Variants in IL2RG observed in about 807,000 individuals in gnomAD.
IL2RG encodes interleukin 2 receptor subunit gamma, also known as cytokine receptor common subunit gamma.
For missense variants in IL2RG, 205 were observed against 272.9 expected (o/e 0.75, Z 1.75); for synonymous variants, 111 against 108.5 (o/e 1.02, Z -0.15).
At chrX:71,111,103 A>G (rs1213007608) in intron 1 of IL2RG, 53 bp from the exon 2 acceptor site, 1 of 1,094,316 alleles carries the variant, frequency 9.1e-7, no homozygotes, top group East Asian at 3.3e-5. Flanking sequence ...GATGGTCAGA[A>G]GGAGGAGGCC....
intron 7 of IL2RG, 62 bp from the exon 8 acceptor site, chrX:71,107,983 T>C: frequency 5.3e-6 from 5 of 942,381 alleles, no homozygotes; most frequent in South Asian, 2.1e-5. Context: ...GACCGAGCTC[T>C]GTGCCAAAGG....
At chrX:71,109,489 C>G (rs1180472286) in intron 4 of IL2RG, 99 bp from the exon 5 acceptor site, 1 of 804,825 alleles carries the variant, frequency 1.2e-6, no homozygotes, top group South Asian at 2.3e-5. Context: ...CTGCTACTGC[C>G]CAGTTTCTCT....
intron 3 of IL2RG, 97 bp from the exon 4 acceptor site, chrX:71,110,392 T>A: frequency 9.1e-7 from 1 of 1,100,108 alleles, no homozygotes; most frequent in Non-Finnish European, 1.3e-6. Flanking sequence ...CCCATCATGA[T>A]CCCCTACCTC....
At chrX:71,108,060 A>AAT (rs1291168331) in intron 7 of IL2RG, 139 bp from the exon 8 acceptor site, 4 of 548,636 alleles carry the variant, frequency 7.3e-6, no homozygotes, top group Non-Finnish European at 9.3e-6. Flanking sequence ...CTGGGCCCCC[A>AAT]ATACCAGTTG....
chrX:71,111,415 G>C lies in IL2RG; in HGVS notation c.115+10C>G. On this transcript the variant is annotated intron_variant, in intron 1 of 7. Coordinates refer to ENST00000374202, the MANE Select transcript of IL2RG (RefSeq NM_000206.3). Reference sequence around the variant, plus strand: ...TTCTCACCAGCCCCCTCCAGTCCCAGATTTCCCACCAGCTGTGGTGTCTTC... The same window carrying C: ...TTCTCACCAGCCCCCTCCAGTCCCACATTTCCCACCAGCTGTGGTGTCTTC... 4 of 1,211,016 alleles carry C rather than the reference G, an allele frequency of 3.3e-6. No homozygotes were observed. Among genetic ancestry groups the C allele is most frequent in the Non-Finnish European group, 4.5e-6 (4 of 895,143 alleles).
At chrX:71,110,709 G>A in intron 2 of IL2RG, 21 bp from the exon 3 acceptor site, 3 of 1,188,168 alleles carry the variant, frequency 2.5e-6, no homozygotes, top group Non-Finnish European at 3.4e-6. Context: ...AAGGTTGGAA[G>A]GAAGAGGAAC....
chrX:71,108,269 G>A lies in IL2RG; in HGVS notation c.924+8C>T, dbSNP rs776065933. On this transcript the variant is annotated splice_region_variant and intron_variant, in intron 7 of 7. Transcript: ENST00000374202. ...TAGACTGCAGCATGCTTATGACAGC[G>A]TTCTCACCGAAAAGTTCCCGTGGTA... The A allele has an allele frequency of 1.7e-6, 2 of 1,175,649 alleles. No homozygotes were observed. The highest frequency in any genetic ancestry group is 2.3e-6 in the Non-Finnish European group (2 of 862,761).
In IL2RG at chrX:71,109,246, C is replaced by T. The variant is rs745952883; in HGVS notation, c.739G>A (p.Gly247Arg). The change falls in exon 5 of 8, where the codon GGG (glycine) becomes AGG (arginine). Residue 247 changes from glycine to arginine, a missense_variant. Transcript: ENST00000374202. Reference protein sequence around the residue: ...WSEWSHPIHWGSNTSKENPFL... With the variant: ...WSEWSHPIHWRSNTSKENPFL... ...ATTTTACCTTTTGAAGTATTGCTCC[C>T]CCAGTGGATTGGGTGGCTCCATTCA... 4 of 1,211,300 alleles carry T rather than the reference C, an allele frequency of 3.3e-6. No homozygotes were observed. Among genetic ancestry groups the T allele is most frequent in the South Asian group, 1.8e-5 (1 of 56,970 alleles).
intron 4 of IL2RG, among the ~76,000 whole-genome samples, chrX:71,109,921 C>A (rs1218330761): frequency 1.2e-5 from 1 of 82,363 alleles, no homozygotes; most frequent in Non-Finnish European, 2.2e-5. Flanking sequence ...CAGAGTGAGG[C>A]TCTGTCTCAA....
In IL2RG at chrX:71,111,435, G is replaced by A; in HGVS notation, c.105C>T (p.Asp35=). ...TCCCAGATTTCCCACCAGCTGTGGT[G>A]TCTTCATTCCCATTGGGCGTCAGAA... The part of the protein sequence containing the change: ...TTILTPNGNE[D]TTADFFLTTM... The change falls in exon 1 of 8, where the codon GAC becomes GAT. Residue 35 remains aspartate, a synonymous_variant. Transcript: ENST00000374202. 8.3e-7 allele frequency: 1 copy of A among 1,211,314 alleles called. No individual in the cohort carries two copies. The highest frequency in any genetic ancestry group is 1.1e-6 in the Non-Finnish European group (1 of 895,216).
At chrX:71,111,371 C>T in intron 1 of IL2RG, 54 bp downstream of exon 1, 1 of 1,192,867 alleles carries the variant, frequency 8.4e-7, no homozygotes, top group Non-Finnish European at 1.1e-6. Context: ...CTCTGTACGG[C>T]CCCTTCCCAC....
chrX:71,108,471 C>G, intron 6 of IL2RG, 125 bp from the exon 7 acceptor site: 2 of 700,967 alleles, frequency 2.9e-6, no homozygotes, highest in Non-Finnish European at 4.5e-6. Flanking sequence ...CCTTCCATCA[C>G]CAAACCCTCT....
At chrX:71,108,817 G>T in intron 5 of IL2RG, 122 bp from the exon 6 acceptor site, 1 of 492,161 alleles carries the variant, frequency 2.0e-6, no homozygotes, top group Admixed American at 3.5e-5. Context: ...AACAGCTCCT[G>T]TGAGGCAGGA....
intron 3 of IL2RG, 46 bp downstream of exon 3, chrX:71,110,458 T>C (rs760517941): frequency 8.7e-7 from 1 of 1,155,732 alleles, no homozygotes; most frequent in Admixed American, 2.2e-5. Context: ...TAGACTCCAA[T>C]GTCCCACAGT....
Position 71,107,552 on chromosome X carries a change from G to T in IL2RG, c.*184C>A, listed in dbSNP as rs944556624. ...ACTGAGGGAGAAGAAAAACATGTTC[G>T]GGGCAAAAGGGTAATTCTCAAGTGG... On this transcript the variant is annotated 3_prime_UTR_variant, in exon 8 of 8. Coordinates refer to ENST00000374202, the MANE Select transcript of IL2RG (RefSeq NM_000206.3). 2 of 327,074 alleles carry T rather than the reference G, an allele frequency of 6.1e-6. No homozygotes were observed. The highest frequency in any genetic ancestry group is 5.4e-5 in the African/African-American group (2 of 37,141). 27.0% of individuals were successfully genotyped at this position (327,074 alleles called of 1,213,427 possible). A position where few individuals can be genotyped will look rare whatever the true frequency, so the allele number is the denominator to read the frequency against.
intron 7 of IL2RG, 135 bp from the exon 8 acceptor site, chrX:71,108,056 C>T (rs2092254688): frequency 1.8e-6 from 1 of 553,553 alleles, no homozygotes. Context: ...GCTCCTGGGC[C>T]CCCAATACCA....
intron 7 of IL2RG, 56 bp from the exon 8 acceptor site, chrX:71,107,977 G>A (rs1161120322): frequency 1.0e-5 from 10 of 983,674 alleles, no homozygotes; most frequent in African/African-American, 1.9e-5. Context: ...GTAAAAGACC[G>A]AGCTCTGTGC....
Position 71,110,302 on chromosome X carries a change from A to G in IL2RG, c.455-7T>C, listed in dbSNP as rs1407843881. ...TCTGGAGCCCAGGGGATCACTGGAG[A>G]TATGTGTGCATATGTGGTCATTCCC... On this transcript the variant is annotated splice_region_variant and splice_polypyrimidine_tract_variant and intron_variant, in intron 3 of 7. Transcript: ENST00000374202. 2 of 1,208,086 alleles carry G rather than the reference A, an allele frequency of 1.7e-6. No individual in the cohort carries two copies. The highest frequency in any genetic ancestry group is 2.2e-6 in the Non-Finnish European group (2 of 892,893).
Position 71,107,893 on chromosome X carries a change from G to A in IL2RG, c.953C>T (p.Ala318Val), listed in dbSNP as rs370007902. ...ACTGTAGTCTGGCTGCAGACTCTCA[G>A]CCAGTCCCTTAGACACACCACTCCA... is the stretch of plus-strand genomic sequence containing the variant. ...SAWSGVSKGL[A>V]ESLQPDYSER... Residue 318 changes from alanine (A) to valine (V), a missense_variant, in exon 8 of 8, where the codon GCT becomes GTT. Coordinates refer to ENST00000374202, the MANE Select transcript of IL2RG (RefSeq NM_000206.3). 3.6e-5 allele frequency: 43 copies of A among 1,207,670 alleles called. No homozygotes were observed. Among genetic ancestry groups the A allele is most frequent in the Non-Finnish European group, 4.5e-5 (40 of 893,373 alleles).
Sources: allele counts gnomAD v4.1 joint callset (sites outside exome capture counted in the v4.1 genomes callset), GRCh38; gene constraint gnomAD v4.1.1; transcripts MANE v1.5; gene names NCBI Gene and HGNC (gene_info 2026-07-23, HGNC 2026-07-21).